ARL1: variants seen among roughly 807,000 people sequenced by gnomAD.
ARL1 encodes ARF like GTPase 1, also known as ADP-ribosylation factor-like protein 1.
ARL1 carries 17 observed loss-of-function variants against 30.1 expected under a neutral mutation model. The ratio of observed to expected loss-of-function variants is 0.56; its 90% CI spans 0.39 to 0.85. The LOEUF (loss-of-function observed/expected upper bound fraction) is 0.85, where lower values mean the gene tolerates loss of function less well. Ranked by LOEUF, ARL1 falls within the 40% of genes least tolerant of loss-of-function variation. The probability of loss-of-function intolerance (pLI) is 0.00; values close to 1 mark genes in which losing one functional copy is unlikely to be tolerated. For missense variants in ARL1, 102 were observed against 212.6 expected (o/e 0.48, Z 3.24); for synonymous variants, 58 against 71.7 (o/e 0.81, Z 0.97).
At chr12:101,399,081 C>A (rs1364214722) in intron 4 of ARL1, among the ~76,000 whole-genome samples, 1 of 151,354 alleles carries the variant, frequency 6.6e-6, no homozygotes, top group Non-Finnish European at 1.5e-5. Context: ...TAAATTTGGT[C>A]TAAGAAGCTC....
At chr12:101,407,418 A>C in intron 1 of ARL1, 1 of 545,784 alleles carries the variant, frequency 1.8e-6, no homozygotes, top group East Asian at 3.2e-5. Flanking sequence ...GGGTCCCTGG[A>C]CCCCGCAGGA....
At chr12:101,396,822 G>C (rs1183357840) in intron 4 of ARL1, among the ~76,000 whole-genome samples, 1 of 152,074 alleles carries the variant, frequency 6.6e-6, no homozygotes, top group Non-Finnish European at 1.5e-5. Context: ...AGATACTTCA[G>C]AGTTTATTTA....
intron 2 of ARL1, 45 bp from the exon 3 acceptor site, chr12:101,402,991 C>A: frequency 7.5e-7 from 1 of 1,327,620 alleles, no homozygotes; most frequent in South Asian, 1.3e-5. Flanking sequence ...CTAATACATT[C>A]CACCTTCAAA....
At chr12:101,398,105 G>A (rs1325069444) in intron 4 of ARL1, among the ~76,000 whole-genome samples, 1 of 151,696 alleles carries the variant, frequency 6.6e-6, no homozygotes, top group Non-Finnish European at 1.5e-5. Context: ...TTGTGTATAG[G>A]AAAGTTGAAA....
chr12:101,399,509 T>TTAA (rs1164877225), intron 4 of ARL1, among the ~76,000 whole-genome samples: 1 of 110,546 alleles, frequency 9.0e-6, no homozygotes, highest in African/African-American at 4.5e-5. Context: ...AGACTCTGTC[T>TTAA]AAAAAAAAAA....
intron 2 of ARL1, 32 bp downstream of exon 2, chr12:101,405,812 C>A: frequency 1.3e-6 from 2 of 1,516,048 alleles, no homozygotes; most frequent in East Asian, 2.4e-5. Flanking sequence ...ACCAGAAAGT[C>A]CCTACAATTA....
intron 3 of ARL1, 190 bp from the exon 4 acceptor site, chr12:101,401,363 A>C: frequency 2.2e-6 from 1 of 447,268 alleles, no homozygotes; most frequent in Non-Finnish European, 4.0e-6. Context: ...TTGGCTGGGC[A>C]CGGTGGCTCA....
intron 4 of ARL1, among the ~76,000 whole-genome samples, chr12:101,399,826 G>C (rs1259337970): frequency 6.6e-6 from 1 of 152,110 alleles, no homozygotes; most frequent in Non-Finnish European, 1.5e-5. Context: ...AAGATGTATT[G>C]AATTCTTAAT....
chr12:101,404,454 C>T (rs900365712), intron 2 of ARL1, among the ~76,000 whole-genome samples: 7 of 152,198 alleles, frequency 4.6e-5, no homozygotes, highest in Non-Finnish European at 8.8e-5. Context: ...CTGCTCTGTG[C>T]ACTGCAGGAG....
chr12:101,400,370 T>C (rs531768960), intron 4 of ARL1: 1 of 141,108 alleles, frequency 7.1e-6, no homozygotes, highest in Admixed American at 7.5e-5. Context: ...GCACCATAGG[T>C]AGACCCCGTC....
chr12:101,400,945 A>G, intron 4 of ARL1, 117 bp downstream of exon 4: 1 of 705,198 alleles, frequency 1.4e-6, no homozygotes, highest in Non-Finnish European at 2.3e-6. Flanking sequence ...CATTTCCATA[A>G]AAGAAAATAA....
At chr12:101,401,690 A>T (rs1871310074) in intron 3 of ARL1, among the ~76,000 whole-genome samples, 1 of 150,388 alleles carries the variant, frequency 6.6e-6, no homozygotes, top group Non-Finnish European at 1.5e-5. Flanking sequence ...GACTCACAGG[A>T]CCAGGGAGTT....
chr12:101,398,329 G>A lies in ARL1; in HGVS notation c.337-1752C>T, dbSNP rs538637888. On this transcript the variant is annotated intron_variant, in intron 4 of 5. Transcript: ENST00000261636. ...GAGAATTGCTTGAACCTGGCAGGTG[G>A]AGGCTGCAGTGAGCCGAGATTGCAC... Among the ~76,000 whole-genome samples the A allele has an allele frequency of 1.6e-3, 245 of 151,600 alleles. 1 individual carries two copies. The highest frequency in any genetic ancestry group is 2.9e-3 in the Non-Finnish European group (195 of 67,904).
chr12:101,404,983 T>A (rs1871399952), intron 2 of ARL1, among the ~76,000 whole-genome samples: 1 of 152,204 alleles, frequency 6.6e-6, no homozygotes. Context: ...GCGATTCTCC[T>A]GCCTCAGCCT....
chr12:101,399,871 A>G (rs1871255757), intron 4 of ARL1, among the ~76,000 whole-genome samples: 1 of 152,132 alleles, frequency 6.6e-6, no homozygotes, highest in Non-Finnish European at 1.5e-5. Context: ...ATCAGGGTAA[A>G]CTCAAAGAAC....
chr12:101,404,058 T>C (rs1194104432), intron 2 of ARL1, among the ~76,000 whole-genome samples: 3 of 152,242 alleles, frequency 2.0e-5, no homozygotes, highest in East Asian at 1.9e-4. Flanking sequence ...CCTTTGAGTA[T>C]TTGGCAAGTA....
In ARL1 at chr12:101,395,597, G is replaced by A. The variant is rs746184587; in HGVS notation, c.*43C>T. ...ACACTTGACTGTTTCCAAAGGGAGAGAGGTGATGTAGTCTTCATTTCAGGG... is the reference window on the plus strand; with the variant it reads ...ACACTTGACTGTTTCCAAAGGGAGAAAGGTGATGTAGTCTTCATTTCAGGG... On this transcript the variant is annotated 3_prime_UTR_variant, in exon 6 of 6. Coordinates refer to ENST00000261636, the MANE Select transcript of ARL1 (RefSeq NM_001177.6). 2 of 1,516,852 alleles carry A rather than the reference G, an allele frequency of 1.3e-6. 1 individual carries two copies. Among genetic ancestry groups the A allele is most frequent in the South Asian group, 2.4e-5 (2 of 83,980 alleles). 94.0% of individuals were successfully genotyped at this position (1,516,852 alleles called of 1,614,324 possible).
At position 101,407,589 on chromosome 12, in the gene ARL1, C is replaced by G. The variant is rs1354002002; in HGVS notation, c.4+53G>C. 2.5e-6 allele frequency: 4 copies of G among 1,605,128 alleles called. No homozygotes were observed. In the African/African-American group the frequency reaches 5.3e-5, roughly 21 times the overall value. Reference sequence around the variant, plus strand: ...CCCCTCTCCTCCTCTGCACCCCAGCCCTCGGCCGCGGCTCCCTCGAGCGCG... The same window carrying G: ...CCCCTCTCCTCCTCTGCACCCCAGCGCTCGGCCGCGGCTCCCTCGAGCGCG... On this transcript the variant is annotated intron_variant, in intron 1 of 5. Coordinates refer to ENST00000261636, the MANE Select transcript of ARL1 (RefSeq NM_001177.6).
Position 101,404,439 on chromosome 12 carries a change from CT to C in ARL1, c.142+1404del, listed in dbSNP as rs1397051157. Reference sequence around the variant, plus strand: ...ACTCACTGAAACTCCAAACTATCCACTGTGCTGCTCTGTGCACTGCAGGAGA... The same window carrying C: ...ACTCACTGAAACTCCAAACTATCCACGTGCTGCTCTGTGCACTGCAGGAGA... On this transcript the variant is annotated intron_variant, in intron 2 of 5. Coordinates refer to ENST00000261636, the MANE Select transcript of ARL1 (RefSeq NM_001177.6). 2.0e-5 allele frequency among the ~76,000 whole-genome samples: 3 copies of C among 152,328 alleles called. No homozygotes were observed. In the East Asian group the frequency reaches 5.8e-4, roughly 29 times the overall value.
Sources: gnomAD v4.1 joint callset for allele counts (sites outside exome capture counted in the v4.1 genomes callset) on GRCh38, gnomAD v4.1.1 for gene constraint, MANE v1.5 for transcripts, NCBI Gene and HGNC (gene_info 2026-07-23, HGNC 2026-07-21) for gene names.